RGPD2: variants seen among roughly 807,000 people sequenced by gnomAD.
RGPD2 encodes RANBP2-like and GRIP domain-containing protein 2.
In RGPD2, 2 loss-of-function variants were observed where a neutral mutation model predicts 36.0. The ratio of observed to expected loss-of-function variants is 0.06; its 90% CI spans 0.02 to 0.17. RGPD2 has a LOEUF of 0.17. RGPD2 is among the 10% of genes least tolerant of loss of function. RGPD2 has a pLI of 1.00. For missense variants in RGPD2, 40 were observed against 464.3 expected (o/e 0.09, Z 8.40); for synonymous variants, 19 against 163.8 (o/e 0.12, Z 6.75).
chr2:87,915,455 A>G, the RGPD2 span, among the ~76,000 whole-genome samples: 1 of 140,848 alleles, frequency 7.1e-6, no homozygotes, highest in South Asian at 2.1e-4. Context: ...ATATACACAT[A>G]TACACATATA....
the RGPD2 span, among the ~76,000 whole-genome samples, chr2:87,952,236 AT>A: frequency 4.6e-5 from 7 of 152,030 alleles, no homozygotes; most frequent in Admixed American, 2.0e-4. Flanking sequence ...ACTATTTTTA[AT>A]TTTTTTTATA....
chr2:87,864,578 ATAG>A, the RGPD2 span, among the ~76,000 whole-genome samples: 2 of 53,668 alleles, frequency 3.7e-5, no homozygotes, highest in Non-Finnish European at 7.6e-5. Flanking sequence ...TAGATAGATG[ATAG>A]ATAGATAGAT....
At chr2:87,915,382 ATT>A in the RGPD2 span, among the ~76,000 whole-genome samples, 5 of 120,196 alleles carry the variant, frequency 4.2e-5, no homozygotes, top group Admixed American at 9.0e-5. Flanking sequence ...TATTATATAT[ATT>A]GTATATATAT....
chr2:87,884,281 T>C, the RGPD2 span, among the ~76,000 whole-genome samples: 1 of 151,928 alleles, frequency 6.6e-6, no homozygotes, highest in Non-Finnish European at 1.5e-5. Context: ...CCAAGGCTTA[T>C]GGGATGCAGC....
chr2:87,857,779 A>AC, the RGPD2 span, among the ~76,000 whole-genome samples: 1 of 130,200 alleles, frequency 7.7e-6, no homozygotes, highest in East Asian at 2.2e-4. Flanking sequence ...TCTACTAAAA[A>AC]AAAAAAAAAA....
chr2:87,986,615 C>T, the RGPD2 span, among the ~76,000 whole-genome samples: 9 of 151,832 alleles, frequency 5.9e-5, no homozygotes, highest in African/African-American at 1.7e-4. Context: ...CATGGTGACT[C>T]ACGCCTGTAA....
chr2:87,939,992 A>G, the RGPD2 span, among the ~76,000 whole-genome samples: 1 of 152,114 alleles, frequency 6.6e-6, no homozygotes, highest in Non-Finnish European at 1.5e-5. Context: ...AAAGAAACGA[A>G]ACTAGCAAAA....
chr2:87,825,577 C>CGAGGCCGAGGCCGCCGCCCGGCCG (rs1396021846), intron 1 of RGPD2, 81 bp downstream of exon 1: 8 of 1,036,140 alleles, frequency 7.7e-6, no homozygotes, highest in Admixed American at 1.2e-4. Context: ...GCCGCCCGGC[C>CGAGGCCGAGGCCGCCGCCCGGCCG]AGGTCGAGGC....
At chr2:87,871,583 G>A in the RGPD2 span, among the ~76,000 whole-genome samples, 1 of 150,482 alleles carries the variant, frequency 6.6e-6, no homozygotes, top group South Asian at 2.1e-4. Context: ...AATAGATTCA[G>A]GTCCGGGTGC....
chr2:87,826,087 G>C (rs1391747972), upstream of RGPD2: 1 of 286,452 alleles, frequency 3.5e-6, no homozygotes, highest in East Asian at 1.2e-4. Flanking sequence ...GTTCCAATCT[G>C]CTATACATAG....
intron 21 of RGPD2, among the ~76,000 whole-genome samples, chr2:87,772,796 G>T (rs1178241643): frequency 6.7e-6 from 1 of 149,880 alleles, no homozygotes; most frequent in East Asian, 2.0e-4. Context: ...ATGAAGAGGT[G>T]GAAATGAGTC....
the RGPD2 span, chr2:87,989,743 T>C: frequency 2.1e-6 from 2 of 973,004 alleles, no homozygotes; most frequent in South Asian, 3.0e-5. Context: ...TCAATGTAAG[T>C]TCCAAGCTGT....
the RGPD2 span, among the ~76,000 whole-genome samples, chr2:87,933,749 G>A: frequency 6.7e-6 from 1 of 148,964 alleles, no homozygotes; most frequent in Non-Finnish European, 1.5e-5. Flanking sequence ...AATTCTTGTA[G>A]TGTGTTTTTC....
chr2:87,938,217 C>A, the RGPD2 span, among the ~76,000 whole-genome samples: 2 of 151,598 alleles, frequency 1.3e-5, no homozygotes, highest in East Asian at 3.9e-4. Context: ...ATTAAATGAT[C>A]TTGTGACAAT....
chr2:87,930,570 T>C, the RGPD2 span, among the ~76,000 whole-genome samples: 3 of 151,850 alleles, frequency 2.0e-5, no homozygotes, highest in Admixed American at 6.6e-5. Context: ...ATCATGATGT[T>C]GCTGGTCTCA....
At chr2:87,769,290 A>G (rs1326104632) in intron 22 of RGPD2, among the ~76,000 whole-genome samples, 15 of 151,792 alleles carry the variant, frequency 9.9e-5, no homozygotes, top group African/African-American at 2.7e-4. Flanking sequence ...CTTAAAGAGA[A>G]AATGTAAGGT....
At chr2:87,830,664 T>C (rs1357153264), upstream of RGPD2, among the ~76,000 whole-genome samples, 1 of 152,202 alleles carries the variant, frequency 6.6e-6, no homozygotes, top group Non-Finnish European at 1.5e-5. Context: ...TTTAAAGGAC[T>C]CACAGATTCA....
the RGPD2 span, among the ~76,000 whole-genome samples, chr2:87,969,139 C>T: frequency 6.6e-6 from 1 of 151,534 alleles, no homozygotes; most frequent in African/African-American, 2.4e-5. Context: ...CTGCAGCCTC[C>T]GCCTCCTGGA....
chr2:87,884,599 A>G, the RGPD2 span, among the ~76,000 whole-genome samples: 1 of 151,734 alleles, frequency 6.6e-6, no homozygotes, highest in African/African-American at 2.4e-5. Flanking sequence ...ATCATAAATG[A>G]AGAATGAGAC....
Sources: gnomAD v4.1 joint callset for allele counts (sites outside exome capture counted in the v4.1 genomes callset) on GRCh38, gnomAD v4.1.1 for gene constraint, MANE v1.5 for transcripts, NCBI Gene and HGNC (gene_info 2026-07-23, HGNC 2026-07-21) for gene names.